Variants in MSRA observed in about 807,000 individuals in gnomAD.
MSRA encodes mitochondrial peptide methionine sulfoxide reductase.
Under a neutral mutation model 31.3 loss-of-function variants are expected in MSRA, and 54 were observed. The ratio of observed to expected loss-of-function variants is 1.73; its 90% CI spans 1.39 to 2.17. MSRA has a LOEUF of 2.17. Ranked by LOEUF, MSRA falls within the 30% of genes most tolerant of loss-of-function variation. MSRA has a pLI of 0.00. For synonymous variants in MSRA, 169 were observed against 116.5 expected, an observed-to-expected ratio of 1.45 and a Z score of -2.90; for missense variants, 507 against 300.9, an observed-to-expected ratio of 1.69 and a Z score of -5.07.
At chr8:10,071,479 A>G (rs1797730177) in intron 1 of MSRA, among the ~76,000 whole-genome samples, 1 of 141,730 alleles carries the variant, frequency 7.1e-6, no homozygotes, top group Non-Finnish European at 1.5e-5. Context: ...TTTTTTCTTA[A>G]GACTTGTACA....
chr8:10,357,012 C>G (rs1804549057), intron 5 of MSRA, among the ~76,000 whole-genome samples: 1 of 151,804 alleles, frequency 6.6e-6, no homozygotes, highest in Non-Finnish European at 1.5e-5. Context: ...AGCTGGCATG[C>G]TTCAGCAGTT....
intron 5 of MSRA, among the ~76,000 whole-genome samples, chr8:10,418,069 A>G (rs1055774805): frequency 3.9e-5 from 6 of 152,172 alleles, no homozygotes; most frequent in Non-Finnish European, 7.3e-5. Flanking sequence ...TCAGGGTCAT[A>G]AATTAGATTT....
chr8:10,132,836 A>G (rs912089535), intron 1 of MSRA, among the ~76,000 whole-genome samples: 1 of 152,272 alleles, frequency 6.6e-6, no homozygotes, highest in Non-Finnish European at 1.5e-5. Flanking sequence ...GTTGCAGAGT[A>G]GGTACACAAA....
At chr8:10,381,552 A>G (rs1228330372) in intron 5 of MSRA, among the ~76,000 whole-genome samples, 1 of 152,158 alleles carries the variant, frequency 6.6e-6, no homozygotes, top group Non-Finnish European at 1.5e-5. Context: ...ATGGAGTCAA[A>G]TCCATCTGCT....
At chr8:10,192,084 C>T (rs7822782) in intron 1 of MSRA, among the ~76,000 whole-genome samples, 10,230 of 152,044 alleles carry the variant, frequency 0.067, 826 homozygotes, top group African/African-American at 0.19. Context: ...GGCTGCCTTA[C>T]GATATAGCAG....
chr8:10,155,983 G>A (rs1402347975), intron 1 of MSRA, among the ~76,000 whole-genome samples: 1 of 152,180 alleles, frequency 6.6e-6, no homozygotes, highest in East Asian at 1.9e-4. Flanking sequence ...GCAATGTAGA[G>A]ATTGGCCGTG....
chr8:10,056,055 C>G (rs1362985977), intron 1 of MSRA, among the ~76,000 whole-genome samples: 1 of 151,912 alleles, frequency 6.6e-6, no homozygotes, highest in South Asian at 2.1e-4. Context: ...ATAAATGCAT[C>G]TTAAAATTTT....
intron 2 of MSRA, among the ~76,000 whole-genome samples, chr8:10,216,775 T>C (rs1320431662): frequency 1.3e-5 from 2 of 152,268 alleles, no homozygotes; most frequent in African/African-American, 4.8e-5. Flanking sequence ...ATTGTATCTA[T>C]AGACCACATT....
chr8:10,286,459 C>T (rs540980602), intron 3 of MSRA, among the ~76,000 whole-genome samples: 46 of 152,322 alleles, frequency 3.0e-4, no homozygotes, highest in African/African-American at 9.9e-4. Context: ...GTGACTTGCT[C>T]CTCCTTGCCT....
intron 5 of MSRA, among the ~76,000 whole-genome samples, chr8:10,354,138 GAGTTTA>G (rs887108273): frequency 3.9e-4 from 59 of 152,312 alleles, no homozygotes; most frequent in African/African-American, 1.4e-3. Context: ...GTTAGCATTA[GAGTTTA>G]AGTTTATCAT....
At chr8:10,137,251 A>G (rs567630878) in intron 1 of MSRA, among the ~76,000 whole-genome samples, 1 of 152,306 alleles carries the variant, frequency 6.6e-6, no homozygotes, top group East Asian at 1.9e-4. Context: ...TTAAAAGCAT[A>G]TTTTAAAAAA....
In MSRA at chr8:10,245,127, G is replaced by T; in HGVS notation, c.235G>T (p.Glu79Ter). Residue 79 changes from glutamate (E) to a stop codon, truncating the protein, a stop_gained, in exon 3 of 6, where the codon GAA becomes TAA. Transcript: ENST00000317173. LOFTEE classifies it high-confidence loss of function. The part of the protein sequence containing the change: ...VFGMGCFWGA[E>*]RKFWVLKGVY... Reference sequence around the variant, plus strand: ...AGGAATGGGATGTTTCTGGGGAGCTGAAAGGAAATTCTGGGTCTTGAAAGG... The same window carrying T: ...AGGAATGGGATGTTTCTGGGGAGCTTAAAGGAAATTCTGGGTCTTGAAAGG... The T allele has an allele frequency of 1.2e-6, 2 of 1,613,164 alleles. No homozygotes were observed. The highest frequency in any genetic ancestry group is 1.7e-6 in the Non-Finnish European group (2 of 1,179,734).
At chr8:10,365,982 C>T (rs1319519134) in intron 5 of MSRA, among the ~76,000 whole-genome samples, 2 of 152,178 alleles carry the variant, frequency 1.3e-5, no homozygotes, top group Admixed American at 1.3e-4. Context: ...GTCCTTAGTG[C>T]CAAGCTGAGC....
At chr8:10,071,510 G>C (rs926560571) in intron 1 of MSRA, among the ~76,000 whole-genome samples, 1 of 124,836 alleles carries the variant, frequency 8.0e-6, no homozygotes, top group African/African-American at 3.0e-5. Flanking sequence ...TTTTAATTCT[G>C]ATGAGTTCCA....
At chr8:10,219,901 G>A (rs564063440) in intron 2 of MSRA, among the ~76,000 whole-genome samples, 23 of 148,826 alleles carry the variant, frequency 1.5e-4, no homozygotes, top group African/African-American at 5.0e-4. Context: ...GTTTTCCCCT[G>A]GTAGGCAATC....
chr8:10,175,724 C>T (rs1805990291), intron 1 of MSRA, among the ~76,000 whole-genome samples: 1 of 152,168 alleles, frequency 6.6e-6, no homozygotes, highest in Admixed American at 6.5e-5. Flanking sequence ...CATTTCCATC[C>T]AGTCCTTGTA....
At chr8:10,155,051 T>A (rs10090541) in intron 1 of MSRA, among the ~76,000 whole-genome samples, 5 of 145,450 alleles carry the variant, frequency 3.4e-5, no homozygotes, top group African/African-American at 1.0e-4. Flanking sequence ...GAGAACAAGC[T>A]TATTTTATGA....
intron 3 of MSRA, among the ~76,000 whole-genome samples, chr8:10,253,765 C>G (rs1798035291): frequency 6.6e-6 from 1 of 151,978 alleles, no homozygotes; most frequent in Non-Finnish European, 1.5e-5. Flanking sequence ...GGGGGTTGAG[C>G]TTCTCCAGGA....
intron 1 of MSRA, among the ~76,000 whole-genome samples, chr8:10,144,607 C>A (rs1802982904): frequency 6.6e-6 from 1 of 152,024 alleles, no homozygotes; most frequent in South Asian, 2.1e-4. Flanking sequence ...CCCCTCCTCC[C>A]CCTTCCCTCT....
Sources: gnomAD v4.1 joint callset for allele counts (sites outside exome capture counted in the v4.1 genomes callset) on GRCh38, gnomAD v4.1.1 for gene constraint, MANE v1.5 for transcripts, NCBI Gene and HGNC (gene_info 2026-07-23, HGNC 2026-07-21) for gene names.